The following TCEA1 variants were observed in gnomAD, a reference collection of about 807,000 sequenced individuals.
TCEA1 encodes the protein transcription elongation factor A1, also known as transcription elongation factor A protein 1.
In TCEA1, 21 loss-of-function variants were observed where a neutral mutation model predicts 43.8. The observed-to-expected ratio is 0.48, with a 90% CI of 0.34 to 0.69. TCEA1 has a LOEUF of 0.69. Among genes scored for constraint, TCEA1 ranks in the 30% least tolerant of loss-of-function variants. TCEA1 has a pLI of 0.01. For missense variants in TCEA1, 250 were observed against 365.1 expected (o/e 0.68, Z 2.57); for synonymous variants, 104 against 117.5 (o/e 0.88, Z 0.75).
At chr8:54,001,005 C>A (rs1804238902) in intron 2 of TCEA1, among the ~76,000 whole-genome samples, 1 of 152,090 alleles carries the variant, frequency 6.6e-6, no homozygotes. Context: ...GTGATCCACA[C>A]ACCTCAGCCT....
intron 8 of TCEA1, among the ~76,000 whole-genome samples, chr8:53,977,072 C>A: frequency 6.6e-6 from 1 of 152,186 alleles, no homozygotes; most frequent in Non-Finnish European, 1.5e-5. Flanking sequence ...GTAATCCCAG[C>A]ACTTTGGGAG....
At chr8:54,012,142 A>C (rs1804671125) in intron 1 of TCEA1, among the ~76,000 whole-genome samples, 1 of 152,188 alleles carries the variant, frequency 6.6e-6, no homozygotes, top group Non-Finnish European at 1.5e-5. Context: ...CAGACCAAAA[A>C]CCTTTGAAAA....
At position 54,016,243 on chromosome 8, in the gene TCEA1, G is replaced by A. The variant is rs148592473; in HGVS notation, c.64-5751C>T. 9.0e-3 allele frequency among the ~76,000 whole-genome samples: 1,366 copies of A among 152,154 alleles called. 47 individuals are homozygous for A. In the East Asian group the frequency reaches 0.092, roughly 10 times the overall value. ...TGTAATCCCGGCACTTTAGGAGGCC[G>A]AGGCGGGCAGATCATGAAGTCAGGA... On this transcript the variant is annotated intron_variant, in intron 1 of 9. Coordinates refer to ENST00000521604, the MANE Select transcript of TCEA1 (RefSeq NM_006756.4).
intron 8 of TCEA1, chr8:53,972,228 G>T: frequency 2.9e-6 from 1 of 350,622 alleles, no homozygotes; most frequent in South Asian, 2.4e-5. Context: ...AACAGGAAGT[G>T]ATGAGGAATC....
intron 2 of TCEA1, among the ~76,000 whole-genome samples, chr8:54,007,865 T>C (rs138914500): frequency 4.9e-4 from 75 of 152,312 alleles, no homozygotes; most frequent in African/African-American, 1.4e-3. Flanking sequence ...CTTTGACTTT[T>C]ATCAAAGTTT....
chr8:53,973,356 A>AT, intron 8 of TCEA1: 1 of 521,916 alleles, frequency 1.9e-6, no homozygotes, highest in South Asian at 1.7e-5. Context: ...CTTGGGAACA[A>AT]TTTTTAAAGA....
intron 7 of TCEA1, among the ~76,000 whole-genome samples, chr8:53,983,647 A>G (rs1248333658): frequency 6.8e-6 from 1 of 146,814 alleles, no homozygotes; most frequent in Admixed American, 6.8e-5. Context: ...CAGCCCAGGC[A>G]ACAAGGGCAA....
intron 4 of TCEA1, 119 bp from the exon 5 acceptor site, chr8:53,988,378 T>C: frequency 8.2e-7 from 1 of 1,214,066 alleles, no homozygotes; most frequent in Non-Finnish European, 1.1e-6. Flanking sequence ...AGTATCTCAG[T>C]GACCTTTATG....
In TCEA1 at chr8:53,970,394, T is replaced by G; in HGVS notation, c.895A>C (p.Lys299Gln). The G allele has an allele frequency of 6.2e-7, 1 of 1,603,888 alleles. No homozygotes were observed. Among genetic ancestry groups the G allele is most frequent in the Non-Finnish European group, 8.5e-7 (1 of 1,171,640 alleles). ...TATGAATCCAAGAGAGTCCATACCT[T>G]CCATCGATTTCCACATTCATTACAG... ...VVCNECGNRW[K>Q]FC The change falls in exon 9 of 10, where the codon AAG becomes CAG. Residue 299 changes from lysine (K) to glutamine (Q), a missense_variant and splice_region_variant. Lys to Gln is a moderately conservative substitution (Grantham distance 53). Transcript: ENST00000521604.
intron 4 of TCEA1, 147 bp from the exon 5 acceptor site, chr8:53,988,406 C>A: frequency 1.1e-6 from 1 of 940,224 alleles, no homozygotes; most frequent in South Asian, 2.9e-5. Flanking sequence ...AAAAAAATTG[C>A]CTGCATACAG....
At chr8:53,999,905 CACA>C (rs1481343096) in intron 3 of TCEA1, 37 bp downstream of exon 3, 3 of 1,306,492 alleles carry the variant, frequency 2.3e-6, no homozygotes, top group Non-Finnish European at 3.3e-6. Context: ...TTGAATAAAT[CACA>C]ACATCATAAA....
intron 1 of TCEA1, chr8:54,021,816 T>C: frequency 2.8e-6 from 1 of 363,538 alleles, no homozygotes; most frequent in Non-Finnish European, 4.8e-6. Context: ...CTAAATCGAT[T>C]AGGTTTATTA....
intron 7 of TCEA1, among the ~76,000 whole-genome samples, chr8:53,980,887 T>G (rs1206815968): frequency 6.6e-6 from 1 of 152,184 alleles, no homozygotes; most frequent in Non-Finnish European, 1.5e-5. Flanking sequence ...AGCCAAATTG[T>G]GAATGCAAAG....
chr8:53,986,351 T>C (rs1803687923), intron 6 of TCEA1, among the ~76,000 whole-genome samples: 3 of 152,238 alleles, frequency 2.0e-5, no homozygotes, highest in African/African-American at 7.2e-5. Flanking sequence ...GTTTGTCCAG[T>C]TTAATCTGTG....
At chr8:53,990,393 T>TA (rs1186704550) in intron 4 of TCEA1, among the ~76,000 whole-genome samples, 3 of 150,928 alleles carry the variant, frequency 2.0e-5, no homozygotes, top group Non-Finnish European at 4.4e-5. Context: ...GAGACAGTCT[T>TA]ACGCTGTCAC....
chr8:54,012,255 T>C (rs376011050), intron 1 of TCEA1, among the ~76,000 whole-genome samples: 1 of 152,178 alleles, frequency 6.6e-6, no homozygotes, highest in African/African-American at 2.4e-5. Context: ...AATGTGACTA[T>C]TACAACTGAC....
intron 1 of TCEA1, among the ~76,000 whole-genome samples, 178 bp from the exon 2 acceptor site, chr8:54,010,670 A>T (rs1000322244): frequency 1.3e-5 from 2 of 152,222 alleles, no homozygotes; most frequent in Non-Finnish European, 2.9e-5. Context: ...AATTTAATTT[A>T]ATCATTTCAT....
intron 2 of TCEA1, among the ~76,000 whole-genome samples, chr8:54,005,607 A>G (rs1009967994): frequency 7.0e-6 from 1 of 143,620 alleles, no homozygotes; most frequent in African/African-American, 2.5e-5. Flanking sequence ...CAAAAATCTC[A>G]GTCATCCTAA....
intron 8 of TCEA1, among the ~76,000 whole-genome samples, chr8:53,978,157 G>A (rs772590055): frequency 5.9e-5 from 9 of 152,046 alleles, no homozygotes; most frequent in Non-Finnish European, 1.2e-4. Flanking sequence ...CCAGTACTTC[G>A]GGAGGCCAAG....
Sources: gnomAD v4.1 joint callset for allele counts (sites outside exome capture counted in the v4.1 genomes callset) on GRCh38, gnomAD v4.1.1 for gene constraint, MANE v1.5 for transcripts, NCBI Gene and HGNC (gene_info 2026-07-23, HGNC 2026-07-21) for gene names.